Variants in TJP2 observed in about 807,000 individuals in gnomAD.
TJP2 encodes tight junction protein 2, also known as Friedreich ataxia region gene X104 (tight junction protein ZO-2).
In TJP2, 91 loss-of-function variants were observed where a neutral mutation model predicts 133.1. The ratio of observed to expected loss-of-function variants is 0.68; its 90% CI spans 0.58 to 0.81. The LOEUF (loss-of-function observed/expected upper bound fraction) is 0.81. Ranked by LOEUF, TJP2 falls within the 40% of genes least tolerant of loss-of-function variation. The probability of loss-of-function intolerance (pLI) is 0.00; values close to 1 mark genes in which losing one functional copy is unlikely to be tolerated. For synonymous variants in TJP2, 592 were observed against 583.4 expected, an observed-to-expected ratio of 1.01 and a Z score of -0.21; for missense variants, 1,541 against 1,565.6, an observed-to-expected ratio of 0.98 and a Z score of 0.26.
Position 69,232,215 on chromosome 9 carries a change from A to G in TJP2, c.1671+1983A>G, listed in dbSNP as rs575191300. Among the ~76,000 whole-genome samples, 12 of 152,346 alleles carry G rather than the reference A, an allele frequency of 7.9e-5. No homozygotes were observed. In the South Asian group the frequency reaches 2.5e-3, roughly 32 times the overall value. The stretch of plus-strand genomic sequence containing the variant: ...TGTCATCCCATATGGAGGTCAGGCA[A>G]TAGGTGGTCCTCATTTCTTGGGTGC... On this transcript the variant is annotated intron_variant, in intron 11 of 22. Transcript: ENST00000377245.
At chr9:69,191,670 G>T (rs934059167) in intron 1 of TJP2, among the ~76,000 whole-genome samples, 36 of 152,152 alleles carry the variant, frequency 2.4e-4, no homozygotes, top group African/African-American at 8.4e-4. Flanking sequence ...ATGTTGACAG[G>T]TCTTTGTTTT....
chr9:69,225,493 T>G (rs1829274708), intron 6 of TJP2, 86 bp downstream of exon 6: 2 of 876,896 alleles, frequency 2.3e-6, no homozygotes, highest in Admixed American at 3.9e-5. Flanking sequence ...ACAGTGAGAC[T>G]TAGATCCAGT....
chr9:69,235,614 G>A (rs1348976007), intron 12 of TJP2, among the ~76,000 whole-genome samples: 1 of 152,194 alleles, frequency 6.6e-6, no homozygotes, highest in Admixed American at 6.5e-5. Flanking sequence ...GAGCCACCAC[G>A]CCCAGCCTAG....
In TJP2 at chr9:69,248,202, C is replaced by T. The variant is rs377218278; in HGVS notation, c.2858C>T (p.Ser953Leu). ...CTGGTGTCGTCCATCACCCGCTCCT[C>T]GGAGCCGGTGCAGCACGAGGAGGTG... ...EPLVSSITRSSEPVQHEESIR... is the reference protein window; with the variant it reads ...EPLVSSITRSLEPVQHEESIR... Residue 953 changes from serine (S) to leucine (L), a missense_variant, in exon 19 of 23, where the codon TCG becomes TTG. By Grantham distance (145) the Ser-to-Leu change is moderately radical. Coordinates refer to ENST00000377245, the MANE Select transcript of TJP2 (RefSeq NM_004817.4). 50 of 1,606,888 alleles carry T rather than the reference C, an allele frequency of 3.1e-5. No homozygotes were observed. The highest frequency in any genetic ancestry group is 6.7e-5 in the African/African-American group (5 of 74,762).
rs546520567 is a variant in TJP2, at chr9:69,195,239, G to A, written c.61-17309G>A. On this transcript the variant is annotated intron_variant, in intron 1 of 22. Transcript: ENST00000377245. ...GAAGCTATGTTTTAGTGTTATATAA[G>A]TTTAGTCAGGTTTAAAATTATAGGG... Among the ~76,000 whole-genome samples, 4 of 152,260 alleles carry A rather than the reference G, an allele frequency of 2.6e-5. No homozygotes were observed. In the South Asian group the frequency reaches 6.2e-4, roughly 24 times the overall value.
At chr9:69,219,189 G>A (rs965605105) in intron 4 of TJP2, among the ~76,000 whole-genome samples, 31 of 152,076 alleles carry the variant, frequency 2.0e-4, no homozygotes, top group Admixed American at 1.4e-3. Context: ...GGCTGGTCCC[G>A]AACTCCCAAC....
chr9:69,128,524 ATTTT>A (rs149373683), intron 1 of TJP2, among the ~76,000 whole-genome samples: 13 of 121,334 alleles, frequency 1.1e-4, no homozygotes, highest in African/African-American at 1.3e-4. Context: ...TTATTAGACC[ATTTT>A]TTTTTTTTTT....
intron 1 of TJP2, among the ~76,000 whole-genome samples, chr9:69,206,941 A>G (rs1001354323): frequency 2.6e-5 from 4 of 152,214 alleles, no homozygotes; most frequent in Non-Finnish European, 4.4e-5. Context: ...TATCTAAATC[A>G]TGGAGCATAA....
chr9:69,174,701 C>T (rs921744690), intron 1 of TJP2, among the ~76,000 whole-genome samples: 2 of 152,142 alleles, frequency 1.3e-5, no homozygotes, highest in African/African-American at 4.8e-5. Context: ...TGTCTTGAAC[C>T]CGGTGTCCTG....
At chr9:69,232,447 T>G (rs1829859934) in intron 11 of TJP2, among the ~76,000 whole-genome samples, 1 of 152,238 alleles carries the variant, frequency 6.6e-6, no homozygotes, top group South Asian at 2.1e-4. Flanking sequence ...GAAAGGACTG[T>G]TCAATGTAAC....
intron 15 of TJP2, 96 bp downstream of exon 15, chr9:69,238,069 A>T: frequency 1.2e-6 from 1 of 812,382 alleles, no homozygotes; most frequent in Non-Finnish European, 2.1e-6. Context: ...CGTACCCTTC[A>T]CCTGGAATCA....
chr9:69,209,276 A>G (rs1487402896), intron 1 of TJP2, among the ~76,000 whole-genome samples: 1 of 151,954 alleles, frequency 6.6e-6, no homozygotes, highest in East Asian at 1.9e-4. Context: ...GGGACTACAG[A>G]TATGCGCCAC....
intron 1 of TJP2, among the ~76,000 whole-genome samples, chr9:69,174,901 T>C (rs1385275423): frequency 7.8e-6 from 1 of 128,492 alleles, no homozygotes; most frequent in African/African-American, 3.0e-5. Context: ...GTAATAGAAG[T>C]AAAAGTTGTT....
chr9:69,137,255 TTC>T (rs1822788578), intron 1 of TJP2, among the ~76,000 whole-genome samples: 1 of 28,966 alleles, frequency 3.5e-5, no homozygotes, highest in East Asian at 9.1e-3. Context: ...CTCTCTTTCT[TTC>T]TTTCTTTCTT....
chr9:69,252,936 G>T, intron 22 of TJP2, 36 bp downstream of exon 22: 1 of 1,598,450 alleles, frequency 6.3e-7, no homozygotes, highest in Non-Finnish European at 8.6e-7. Context: ...TCTAAGGCGG[G>T]GACTTCTCAA....
chr9:69,142,446 T>C lies in TJP2; in HGVS notation c.-130-9205T>C, dbSNP rs373136813. Among the ~76,000 whole-genome samples the C allele has an allele frequency of 5.3e-5, 8 of 152,270 alleles. No homozygotes were observed. The East Asian group carries it at 1.5e-3, about 29-fold the overall frequency. Reference sequence around the variant, plus strand: ...TCTGAGTAGCAAATATGTAAAGATATTATTTATGAGCATATTAAGGAGGAG... The same window carrying C: ...TCTGAGTAGCAAATATGTAAAGATACTATTTATGAGCATATTAAGGAGGAG... On this transcript the variant is annotated intron_variant, in intron 1 of 5. Coordinates refer to the TJP2 transcript ENST00000423935.
At chr9:69,215,389 G>GTT (rs1828281536) in intron 2 of TJP2, among the ~76,000 whole-genome samples, 1 of 111,598 alleles carries the variant, frequency 9.0e-6, no homozygotes, top group Non-Finnish European at 2.1e-5. Context: ...AGAAAGTTGT[G>GTT]GTTTTTTTTT....
intron 17 of TJP2, 148 bp from the exon 18 acceptor site, chr9:69,246,542 G>T (rs775595405): frequency 5.5e-6 from 4 of 724,286 alleles, no homozygotes; most frequent in African/African-American, 1.7e-5. Context: ...CATTAAAAGG[G>T]TTTTAATATT....
intron 2 of TJP2, among the ~76,000 whole-genome samples, chr9:69,162,892 CTG>C (rs1357909671): frequency 1.3e-5 from 2 of 152,200 alleles, no homozygotes; most frequent in African/African-American, 4.8e-5. Flanking sequence ...ATATTAAAAA[CTG>C]AAATCCAAAT....
Sources: allele counts gnomAD v4.1 joint callset (sites outside exome capture counted in the v4.1 genomes callset), GRCh38; gene constraint gnomAD v4.1.1; transcripts MANE v1.5; gene names NCBI Gene and HGNC (gene_info 2026-07-23, HGNC 2026-07-21).